The following PCDHA10 variants were observed in gnomAD, a reference collection of about 807,000 sequenced individuals.
PCDHA10 encodes the protein protocadherin alpha-10.
In PCDHA10, 45 loss-of-function variants were observed where a neutral mutation model predicts 61.2. That is an observed-to-expected ratio of 0.74 (90% CI 0.58 to 0.94). The LOEUF is 0.94. PCDHA10 is among the 40% of genes least tolerant of loss of function. The pLI is 0.00. For missense variants in PCDHA10, 1,278 were observed against 1,236.2 expected, an observed-to-expected ratio of 1.03 and a Z score of -0.51; for synonymous variants, 602 against 548.8, an observed-to-expected ratio of 1.10 and a Z score of -1.35.
At chr5:140,978,818 C>T in intron 1 of PCDHA10, 131 bp from the exon 2 acceptor site, 4 of 1,512,636 alleles carry the variant, frequency 2.6e-6, no homozygotes, top group Non-Finnish European at 3.5e-6. Flanking sequence ...TAGAGTTACA[C>T]ATGAAATGGC....
chr5:140,862,621 C>T, intron 1 of PCDHA10: 1 of 528,720 alleles, frequency 1.9e-6, no homozygotes. Flanking sequence ...TAACAACCCG[C>T]GGGGCTGCCA....
intron 1 of PCDHA10, chr5:140,877,670 C>T: frequency 6.8e-6 from 11 of 1,613,654 alleles, no homozygotes; most frequent in Non-Finnish European, 7.6e-6. Flanking sequence ...AGCCGGTGCG[C>T]GCCGGGCAAG....
In PCDHA10 at chr5:140,871,116, C is replaced by A. The variant is rs200344692; in HGVS notation, c.2388+12680C>A. On this transcript the variant is annotated intron_variant, in intron 1 of 3. Transcript: ENST00000307360. The stretch of plus-strand genomic sequence containing the variant: ...CCGTGCTGGTGTCGTTGGTGGAGAG[C>A]GGACAGGCGCCAAAGGCCTCTTCCC... The A allele has an allele frequency of 4.3e-4, 686 of 1,613,264 alleles. 1 individual carries two copies. Among genetic ancestry groups the A allele is most frequent in the Middle Eastern group, 2.1e-3 (13 of 6,062 alleles).
chr5:140,875,826 T>C lies in PCDHA10; in HGVS notation c.2388+17390T>C, dbSNP rs367888868. ...TGGACAGGCCGCTGCAGGTTTTCCA[T>C]GTGGACGTGGAGGTGAAGGACATTA... is the stretch of plus-strand genomic sequence containing the variant. On this transcript the variant is annotated intron_variant, in intron 1 of 3. Coordinates refer to ENST00000307360, the MANE Select transcript of PCDHA10 (RefSeq NM_018901.4). 25 of 1,614,126 alleles carry C rather than the reference T, an allele frequency of 1.5e-5. No homozygotes were observed. In the African/African-American group the frequency reaches 2.3e-4, roughly 15 times the overall value.
At chr5:140,877,065 G>A (rs782807909) in intron 1 of PCDHA10, 7 of 1,613,044 alleles carry the variant, frequency 4.3e-6, no homozygotes, top group Non-Finnish European at 5.9e-6. Flanking sequence ...TGGAGCTGCT[G>A]CAGTTCCAGG....
chr5:140,883,701 C>T (rs782806604), intron 1 of PCDHA10: 1 of 1,613,808 alleles, frequency 6.2e-7, no homozygotes, highest in Admixed American at 1.7e-5. Flanking sequence ...TTCACGGTGT[C>T]TGCTCAGGAC....
intron 3 of PCDHA10, among the ~76,000 whole-genome samples, chr5:140,995,493 G>T (rs1427672474): frequency 6.6e-6 from 1 of 152,148 alleles, no homozygotes; most frequent in Non-Finnish European, 1.5e-5. Flanking sequence ...TCAGACTAAG[G>T]TTGACTGTGG....
intron 1 of PCDHA10, chr5:140,969,554 TC>T: frequency 8.2e-7 from 1 of 1,222,072 alleles, no homozygotes; most frequent in Non-Finnish European, 1.1e-6. Context: ...TGAAGCCTTG[TC>T]CATAAAATTG....
Position 141,010,456 on chromosome 5 carries a change from TATC to T in PCDHA10, c.*521_*523del. The T allele has an allele frequency of 1.1e-6, 1 of 877,088 alleles. No individual in the cohort carries two copies. The highest frequency in any genetic ancestry group is 3.0e-5 in the Admixed American group (1 of 33,582). The allele number at this position is 877,088 out of a possible 1,614,324, so 54.3% of individuals were successfully genotyped here. On this transcript the variant is annotated 3_prime_UTR_variant, in exon 4 of 4. Transcript: ENST00000307360. ...ACAAAGACAAATAAACAGCGGAAGT[TATC>T]AGTATGGAGGGGAAGTGTAAACTTA... is the stretch of plus-strand genomic sequence containing the variant.
At chr5:140,979,386 A>C (rs1374804536) in intron 2 of PCDHA10, among the ~76,000 whole-genome samples, 1 of 152,142 alleles carries the variant, frequency 6.6e-6, no homozygotes, top group East Asian at 1.9e-4. Flanking sequence ...TGTGCAATGT[A>C]TACATACATG....
chr5:140,881,326 C>G, intron 1 of PCDHA10: 1 of 984,388 alleles, frequency 1.0e-6, no homozygotes, highest in Non-Finnish European at 1.2e-6. Flanking sequence ...TTCTATTTAA[C>G]CAGGACGCCG....
At position 140,857,959 on chromosome 5, in the gene PCDHA10, T is replaced by G; in HGVS notation, c.1911T>G (p.Asp637Glu). Residue 637 changes from aspartate to glutamate, a missense_variant, in exon 1 of 4, where the codon GAT (aspartate) becomes GAG (glutamate). Asp to Glu is a conservative substitution (Grantham distance 45). Transcript: ENST00000307360. ...AGATCAGTACGACGCGCGCTCTGGA[T>G]GAGACTGACTCGCCACGCCAGCGCC... ...TGEISTTRAL[D>E]ETDSPRQRLL... 1 of 1,597,228 alleles carries G rather than the reference T, an allele frequency of 6.3e-7. No homozygotes were observed. The highest frequency in any genetic ancestry group is 8.6e-7 in the Non-Finnish European group (1 of 1,167,376).
rs369919324 is a variant in PCDHA10 at position 140,857,387 on chromosome 5, G to T, written c.1339G>T (p.Val447Leu). 3.0e-5 allele frequency: 48 copies of T among 1,598,472 alleles called. 4 individuals carry two copies. The highest frequency in any genetic ancestry group is 3.3e-5 in the Non-Finnish European group (38 of 1,167,956). ...CAGCGTGTCTGTGGAGGTGGCCGAC[G>T]TGAACGACAACGCGCCTGCGTTCGC... is the stretch of plus-strand genomic sequence containing the variant. ...TASVSVEVAD[V>L]NDNAPAFAQS... The change falls in exon 1 of 4, where the codon GTG becomes TTG. Residue 447 changes from valine (V) to leucine (L), a missense_variant. Transcript: ENST00000307360.
intron 2 of PCDHA10, 35 bp downstream of exon 2, chr5:140,979,042 C>T (rs782163702): frequency 6.2e-7 from 1 of 1,612,562 alleles, no homozygotes; most frequent in African/African-American, 1.3e-5. Context: ...TCAGAAGTAA[C>T]CTTAACTTGG....
intron 1 of PCDHA10, chr5:140,966,887 G>A: frequency 6.3e-7 from 1 of 1,592,682 alleles, no homozygotes. Flanking sequence ...TGGCCCTGCG[G>A]CCTCCCAGCT....
intron 1 of PCDHA10, among the ~76,000 whole-genome samples, chr5:140,904,820 A>C (rs2071403823): frequency 6.6e-6 from 1 of 152,014 alleles, no homozygotes; most frequent in African/African-American, 2.4e-5. Flanking sequence ...GATGTTGAGC[A>C]TTTTTTTATA....
rs529433053 is a variant in PCDHA10 at position 140,985,961 on chromosome 5, A to C, written c.2536+3398A>C. Among the ~76,000 whole-genome samples, 18 of 151,982 alleles carry C rather than the reference A, an allele frequency of 1.2e-4. 1 individual carries two copies. In the South Asian group the frequency reaches 3.3e-3, roughly 28 times the overall value. On this transcript the variant is annotated intron_variant, in intron 3 of 3. Transcript: ENST00000307360. Reference sequence around the variant, plus strand: ...TCACTGTGTTAGCCAGGATGGTCTCAATCTCCTGACCTCGTGATCCGCCCA... The same window carrying C: ...TCACTGTGTTAGCCAGGATGGTCTCCATCTCCTGACCTCGTGATCCGCCCA...
chr5:140,856,752 A>G lies in PCDHA10; in HGVS notation c.704A>G (p.Asn235Ser), dbSNP rs201595428. The G allele has an allele frequency of 2.2e-5, 35 of 1,596,730 alleles. 5 individuals carry two copies. Among genetic ancestry groups the G allele is most frequent in the Non-Finnish European group, 3.4e-6 (4 of 1,166,694 alleles). The change falls in exon 1 of 4, where the codon AAT becomes AGT. Residue 235 changes from asparagine to serine, a missense_variant. Physicochemically the swap from Asn to Ser is conservative, Grantham distance 46. Transcript: ENST00000307360. ...CTGCTGATCCTGGTGTTAGATGCCA[A>G]TGATAACGCCCCTATCTTTGACAGA... ...VSLLILVLDA[N>S]DNAPIFDRPV...
chr5:140,858,383 A>G lies in PCDHA10; in HGVS notation c.2335A>G (p.Met779Val), dbSNP rs181849631. ...AFSPSLPPCP[M>V]VDVDGEDQSI... Reference sequence around the variant, plus strand: ...CAGCCCCAGCCTTCCACCATGCCCAATGGTAGATGTGGACGGGGAAGATCA... The same window carrying G: ...CAGCCCCAGCCTTCCACCATGCCCAGTGGTAGATGTGGACGGGGAAGATCA... Residue 779 changes from methionine to valine, a missense_variant, in exon 1 of 4, where the codon ATG becomes GTG. By Grantham distance (21) the Met-to-Val change is conservative (BLOSUM62 1). Transcript: ENST00000307360. 1,813 of 1,584,980 alleles carry G rather than the reference A, an allele frequency of 1.1e-3. 172 individuals are homozygous for G. Among genetic ancestry groups the G allele is most frequent in the Non-Finnish European group, 1.3e-3 (1,523 of 1,159,242 alleles).
Sources: allele counts gnomAD v4.1 joint callset (sites outside exome capture counted in the v4.1 genomes callset), GRCh38; gene constraint gnomAD v4.1.1; transcripts MANE v1.5; gene names NCBI Gene and HGNC (gene_info 2026-07-23, HGNC 2026-07-21).